Variants in DOCK2 observed in about 807,000 individuals in gnomAD.
DOCK2 encodes the protein dedicator of cytokinesis 2.
In DOCK2, 87 loss-of-function variants were observed where a neutral mutation model predicts 248.9. The observed-to-expected ratio is 0.35, with a 90% CI of 0.29 to 0.42. DOCK2 has a LOEUF of 0.42. DOCK2 is among the 10% of genes least tolerant of loss of function. The pLI, the probability that DOCK2 is intolerant of heterozygous loss-of-function variation, is 1.00. For synonymous variants in DOCK2, 805 were observed against 821.6 expected (o/e 0.98, Z 0.35); for missense variants, 1,747 against 2,300.2 (o/e 0.76, Z 4.92).
intron 23 of DOCK2, among the ~76,000 whole-genome samples, chr5:169,756,032 C>T (rs1416556529): frequency 3.9e-5 from 6 of 152,226 alleles, no homozygotes; most frequent in African/African-American, 1.4e-4. Flanking sequence ...AAAAGAACCA[C>T]AGGCCTGCCA....
At chr5:169,868,779 A>G (rs1202104112) in intron 27 of DOCK2, among the ~76,000 whole-genome samples, 1 of 152,114 alleles carries the variant, frequency 6.6e-6, no homozygotes, top group Non-Finnish European at 1.5e-5. Context: ...AATGATATTA[A>G]TGCTCTGGAT....
intron 30 of DOCK2, 130 bp from the exon 31 acceptor site, chr5:170,008,367 G>C: frequency 2.3e-6 from 2 of 883,632 alleles, no homozygotes; most frequent in Non-Finnish European, 3.5e-6. Context: ...TTAGAAAATT[G>C]CAGTGGGCAC....
chr5:170,060,421 C>A (rs933217959), intron 44 of DOCK2, among the ~76,000 whole-genome samples: 5 of 152,176 alleles, frequency 3.3e-5, no homozygotes, highest in Non-Finnish European at 5.9e-5. Flanking sequence ...TGGCAAAGTG[C>A]AGTAGCAACA....
intron 41 of DOCK2, among the ~76,000 whole-genome samples, chr5:170,054,174 A>G (rs1197605443): frequency 6.6e-6 from 1 of 152,242 alleles, no homozygotes; most frequent in Non-Finnish European, 1.5e-5. Flanking sequence ...AAAATGGGTG[A>G]AGGCCATACT....
intron 30 of DOCK2, among the ~76,000 whole-genome samples, chr5:170,002,750 C>T (rs1754883534): frequency 6.6e-6 from 1 of 151,044 alleles, no homozygotes; most frequent in African/African-American, 2.5e-5. Flanking sequence ...TAAATTTATT[C>T]CAGTTCTAAC....
At chr5:169,835,713 A>G (rs1024793701) in intron 26 of DOCK2, among the ~76,000 whole-genome samples, 1 of 152,150 alleles carries the variant, frequency 6.6e-6, no homozygotes, top group African/African-American at 2.4e-5. Context: ...TCCTCTGGCA[A>G]GGGGATCATG....
chr5:169,672,023 T>G (rs1192052466), intron 5 of DOCK2, among the ~76,000 whole-genome samples: 1 of 152,178 alleles, frequency 6.6e-6, no homozygotes, highest in Non-Finnish European at 1.5e-5. Flanking sequence ...TTTTATTTTT[T>G]TGAGATGGAG....
At chr5:170,078,434 T>C (rs1453756036) in intron 48 of DOCK2, among the ~76,000 whole-genome samples, 2 of 152,160 alleles carry the variant, frequency 1.3e-5, no homozygotes, top group African/African-American at 4.8e-5. Context: ...TCATTCACAA[T>C]TCTAGGGGGC....
At chr5:169,753,833 A>T (rs539055290) in intron 23 of DOCK2, among the ~76,000 whole-genome samples, 17 of 152,342 alleles carry the variant, frequency 1.1e-4, no homozygotes, top group African/African-American at 3.8e-4. Flanking sequence ...GGGACAACTC[A>T]GCATCTCAAA....
chr5:169,840,907 T>C, intron 27 of DOCK2, 55 bp downstream of exon 27: 1 of 1,570,224 alleles, frequency 6.4e-7, no homozygotes, highest in South Asian at 1.1e-5. Flanking sequence ...CATCTAAAAA[T>C]GGATTTTCTG....
At chr5:169,770,762 A>C (rs1003329270) in intron 25 of DOCK2, among the ~76,000 whole-genome samples, 2 of 152,234 alleles carry the variant, frequency 1.3e-5, no homozygotes, top group African/African-American at 4.8e-5. Flanking sequence ...TAAACTAGGA[A>C]TCATCCATAT....
rs145616040 is a variant in DOCK2 at position 169,843,722 on chromosome 5, C to T, written c.2799+2870C>T. 6.4e-3 allele frequency among the ~76,000 whole-genome samples: 971 copies of T among 152,312 alleles called. 3 individuals carry two copies. The highest frequency in any genetic ancestry group is 0.013 in the South Asian group (65 of 4,828). On this transcript the variant is annotated intron_variant, in intron 27 of 51. Transcript: ENST00000520908. ...CAGTCACTTTCTTTCCCTCCTCTCA[C>T]CAACCCTAAGCAACCATTAATCTAC...
intron 26 of DOCK2, among the ~76,000 whole-genome samples, chr5:169,805,216 CA>C (rs1178136278): frequency 5.2e-3 from 366 of 70,688 alleles, no homozygotes; most frequent in Middle Eastern, 7.9e-3. Flanking sequence ...TCTGTCTCTA[CA>C]AAAAAAAAAA....
At chr5:169,885,043 A>G (rs1436013326) in intron 27 of DOCK2, among the ~76,000 whole-genome samples, 1 of 152,142 alleles carries the variant, frequency 6.6e-6, no homozygotes, top group African/African-American at 2.4e-5. Flanking sequence ...CCATTTCTGC[A>G]CAGCACTCAG....
chr5:169,835,008 T>C (rs1295080826), intron 26 of DOCK2, among the ~76,000 whole-genome samples: 1 of 151,956 alleles, frequency 6.6e-6, no homozygotes, highest in African/African-American at 2.4e-5. Flanking sequence ...ATTCAGAGAA[T>C]GAAAAGGAAT....
At chr5:169,746,395 G>A (rs1763613303) in intron 22 of DOCK2, among the ~76,000 whole-genome samples, 1 of 152,132 alleles carries the variant, frequency 6.6e-6, no homozygotes. Context: ...TGTGGTTGAG[G>A]AGCAAACAAA....
chr5:169,652,957 AAGG>A (rs1247981990), intron 1 of DOCK2, among the ~76,000 whole-genome samples: 1 of 152,140 alleles, frequency 6.6e-6, no homozygotes, highest in Non-Finnish European at 1.5e-5. Flanking sequence ...TCAAAGGTAA[AAGG>A]AGGTAATTAT....
intron 29 of DOCK2, among the ~76,000 whole-genome samples, chr5:169,993,398 G>C (rs990328284): frequency 1.3e-5 from 2 of 152,206 alleles, no homozygotes; most frequent in African/African-American, 4.8e-5. Context: ...AAGCAGTCCA[G>C]AGGGGTCTGA....
chr5:169,915,107 C>T (rs1316468701), intron 27 of DOCK2, among the ~76,000 whole-genome samples: 1 of 152,164 alleles, frequency 6.6e-6, no homozygotes, highest in Non-Finnish European at 1.5e-5. Flanking sequence ...TGAGGCCCCA[C>T]TACTTGAAAA....
Sources: allele counts gnomAD v4.1 joint callset (sites outside exome capture counted in the v4.1 genomes callset), GRCh38; gene constraint gnomAD v4.1.1; transcripts MANE v1.5; gene names NCBI Gene and HGNC (gene_info 2026-07-23, HGNC 2026-07-21).